The following P2RY8 variants were observed in gnomAD, a reference collection of about 807,000 sequenced individuals.
The protein encoded by P2RY8 is P2Y receptor family member 8.
P2RY8 carries 6 observed loss-of-function variants against 10.0 expected under a neutral mutation model. That is an observed-to-expected ratio of 0.60 (90% confidence interval 0.33 to 1.19). The LOEUF (loss-of-function observed/expected upper bound fraction) is 1.19, where lower values mean the gene tolerates loss of function less well. P2RY8 is among the 50% of genes most tolerant of loss of function. P2RY8 has a pLI of 0.04. For synonymous variants in P2RY8, 276 were observed against 252.5 expected (o/e 1.09, Z -0.88); for missense variants, 456 against 542.0 (o/e 0.84, Z 1.58).
At chrX:1,485,248 G>C (rs1206965366) in intron 1 of P2RY8, among the ~76,000 whole-genome samples, 1 of 151,994 alleles carries the variant, frequency 6.6e-6, no homozygotes, top group Admixed American at 6.6e-5. Context: ...AGCAGTTCTC[G>C]TGCCTCAGCC....
At chrX:1,509,812 T>TCATCTATGTATCCATC (rs1569538172) in intron 1 of P2RY8, among the ~76,000 whole-genome samples, 27 of 92,082 alleles carry the variant, frequency 2.9e-4, no homozygotes, top group Admixed American at 6.9e-4. Flanking sequence ...TATCTATCTA[T>TCATCTATGTATCCATC]CTATCTATCT....
Position 1,521,034 on chromosome X carries a change from CT to C in P2RY8, c.-25+15886del, listed in dbSNP as rs1163534557. Among the ~76,000 whole-genome samples the C allele has an allele frequency of 1.5e-3, 92 of 61,076 alleles. 1 individual carries two copies. The highest frequency in any genetic ancestry group is 3.3e-3 in the Admixed American group (13 of 3,902). 40.1% of individuals were successfully genotyped at this position (61,076 alleles called of 152,430 possible). ...CAATATCCTCTCTGATTTTTCTTTT[CT>C]TTTTTTTTTTTTTTTTTTGAGACAG... On this transcript the variant is annotated intron_variant, in intron 1 of 1. Transcript: ENST00000381297.
At chrX:1,502,210 C>T (rs1299972882) in intron 1 of P2RY8, among the ~76,000 whole-genome samples, 1 of 152,106 alleles carries the variant, frequency 6.6e-6, no homozygotes, top group African/African-American at 2.4e-5. Flanking sequence ...CACGCCTGGC[C>T]TCATTTTTCT....
At chrX:1,521,944 CTTTT>C (rs751056296) in intron 1 of P2RY8, among the ~76,000 whole-genome samples, 5 of 39,020 alleles carry the variant, frequency 1.3e-4, no homozygotes, top group African/African-American at 2.3e-4. Flanking sequence ...CTCTCGCTCT[CTTTT>C]TTTTTTTTTT....
intron 1 of P2RY8, among the ~76,000 whole-genome samples, chrX:1,514,835 T>TTCCCTTCCC (rs1457782090): frequency 0.3 from 4,847 of 16,290 alleles, 1,422 homozygotes; most frequent in East Asian, 0.62. Flanking sequence ...TTCCCTTTCC[T>TTCCCTTCCC]TCCCTTTCCC....
chrX:1,525,912 T>TCATC (rs1405319029), intron 1 of P2RY8, among the ~76,000 whole-genome samples: 1 of 151,816 alleles, frequency 6.6e-6, no homozygotes, highest in Admixed American at 6.6e-5. Flanking sequence ...ATCCTTCCAT[T>TCATC]CATCCATCCA....
chrX:1,471,752 T>G (rs1395363243), intron 1 of P2RY8, among the ~76,000 whole-genome samples: 1 of 152,036 alleles, frequency 6.6e-6, no homozygotes, highest in Non-Finnish European at 1.5e-5. Context: ...GGATGAGAAA[T>G]AGACAAAAGG....
intron 1 of P2RY8, among the ~76,000 whole-genome samples, chrX:1,469,403 G>A (rs776428587): frequency 3.3e-5 from 5 of 151,680 alleles, no homozygotes; most frequent in Admixed American, 3.3e-4. Flanking sequence ...CTGACCTCAG[G>A]TGAGCCACCA....
rs187439497 is a variant in P2RY8, at chrX:1,466,310, A to G, written c.249T>C (p.His83=). ...ASVLPFQIYY[H]CNRHHWVFGV... Reference sequence around the variant, plus strand: ...CGAATACCCAGTGGTGGCGGTTGCAATGGTAGTAGATTTGGAAAGGCAACA... The same window carrying G: ...CGAATACCCAGTGGTGGCGGTTGCAGTGGTAGTAGATTTGGAAAGGCAACA... Residue 83 remains histidine, a synonymous_variant, in exon 2 of 2, where the codon CAT becomes CAC. Transcript: ENST00000381297. 1.2e-6 allele frequency: 2 copies of G among 1,613,808 alleles called. No individual in the cohort carries two copies. Among genetic ancestry groups the G allele is most frequent in the East Asian group, 2.2e-5 (1 of 44,880 alleles).
chrX:1,507,168 G>A (rs1272185899), intron 1 of P2RY8, among the ~76,000 whole-genome samples: 6 of 151,768 alleles, frequency 4.0e-5, no homozygotes, highest in East Asian at 1.9e-4. Flanking sequence ...AAAGCCTCCC[G>A]AAGCCCTTGC....
chrX:1,520,811 C>T (rs1386578059), intron 1 of P2RY8, among the ~76,000 whole-genome samples: 2 of 151,744 alleles, frequency 1.3e-5, no homozygotes, highest in African/African-American at 4.8e-5. Context: ...AATATTTTCT[C>T]TGATTTCTAA....
At chrX:1,507,275 C>A (rs5989777) in intron 1 of P2RY8, among the ~76,000 whole-genome samples, 23,100 of 151,904 alleles carry the variant, frequency 0.15, 1,949 homozygotes, top group Non-Finnish European at 0.18. Context: ...TCTCTCTGTG[C>A]GTGTCCAAGA....
intron 1 of P2RY8, among the ~76,000 whole-genome samples, chrX:1,512,416 G>A (rs1569538249): frequency 2.6e-5 from 4 of 151,894 alleles, no homozygotes; most frequent in Non-Finnish European, 5.9e-5. Context: ...GCGTGGTGGT[G>A]GGTACCTGTC....
At chrX:1,510,377 C>A (rs1339339195) in intron 1 of P2RY8, among the ~76,000 whole-genome samples, 1 of 152,138 alleles carries the variant, frequency 6.6e-6, no homozygotes, top group Non-Finnish European at 1.5e-5. Context: ...CGAGCCCTGG[C>A]TTGGAGATGA....
At chrX:1,521,768 G>C (rs1221702635) in intron 1 of P2RY8, among the ~76,000 whole-genome samples, 1 of 151,938 alleles carries the variant, frequency 6.6e-6, no homozygotes, top group Non-Finnish European at 1.5e-5. Context: ...GTATTTGGTG[G>C]AGGTTTCAGA....
At position 1,537,002 on chromosome X, in the gene P2RY8, C is replaced by T. The variant is rs187020209; in HGVS notation, c.-106G>A. 903 of 232,160 alleles carry T rather than the reference C, an allele frequency of 3.9e-3. 13 individuals carry two copies. Among genetic ancestry groups the T allele is most frequent in the African/African-American group, 0.019 (855 of 45,360 alleles). The allele number at this position is 232,160 out of a possible 1,614,324, so 14.4% of individuals were successfully genotyped here. On this transcript the variant is annotated 5_prime_UTR_variant, in exon 1 of 2. Coordinates refer to ENST00000381297, the MANE Select transcript of P2RY8 (RefSeq NM_178129.5). Reference sequence around the variant, plus strand: ...CAGGATGCAACGCTTAAGTCGACGGCCGTGCCTCAGAGCCCGGGACTCGGG... The same window carrying T: ...CAGGATGCAACGCTTAAGTCGACGGTCGTGCCTCAGAGCCCGGGACTCGGG...
chrX:1,493,433 AG>A (rs1270132964), intron 1 of P2RY8, among the ~76,000 whole-genome samples: 51 of 13,954 alleles, frequency 3.7e-3, no homozygotes, highest in East Asian at 0.027. Context: ...AGGAGGAGGG[AG>A]GGAAGGAGGA....
chrX:1,477,197 A>AG (rs777337034), intron 1 of P2RY8, among the ~76,000 whole-genome samples: 65 of 35,984 alleles, frequency 1.8e-3, no homozygotes, highest in African/African-American at 6.4e-3. Context: ...TCAAAAAAAA[A>AG]AAAAGAAGAA....
intron 1 of P2RY8, among the ~76,000 whole-genome samples, chrX:1,531,843 C>G (rs1215321254): frequency 6.6e-6 from 1 of 152,156 alleles, no homozygotes; most frequent in Non-Finnish European, 1.5e-5. Flanking sequence ...AAATGCAAAT[C>G]AAAAGCAGAA....
Sources: gnomAD v4.1 joint callset for allele counts (sites outside exome capture counted in the v4.1 genomes callset) on GRCh38, gnomAD v4.1.1 for gene constraint, MANE v1.5 for transcripts, NCBI Gene and HGNC (gene_info 2026-07-23, HGNC 2026-07-21) for gene names.